The following LSMEM1 variants were observed in gnomAD, a reference collection of about 807,000 sequenced individuals.
The protein encoded by LSMEM1 is leucine rich single-pass membrane protein 1.
LSMEM1 carries 10 observed loss-of-function variants against 11.3 expected under a neutral mutation model. The observed-to-expected ratio is 0.89, with a 90% CI of 0.55 to 1.50. LSMEM1 has a LOEUF of 1.50. LSMEM1 is among the 40% of genes most tolerant of loss of function. The pLI is 0.00. For missense variants in LSMEM1, 151 were observed against 152.9 expected (o/e 0.99, Z 0.06); for synonymous variants, 65 against 59.3 (o/e 1.10, Z -0.44).
At chr7:112,480,416 G>A (rs1242196903), upstream of LSMEM1, among the ~76,000 whole-genome samples, 1 of 152,156 alleles carries the variant, frequency 6.6e-6, no homozygotes, top group African/African-American at 2.4e-5. Flanking sequence ...CATGAAAAAT[G>A]TTTCAAAGAT....
At chr7:112,486,852 A>G in intron 2 of LSMEM1, 71 bp from the exon 3 acceptor site, 2 of 1,595,870 alleles carry the variant, frequency 1.3e-6, no homozygotes, top group Non-Finnish European at 1.7e-6. Context: ...ACACTGGGGT[A>G]CTGTTCAGTT....
chr7:112,488,602 T>C (rs1796181418), intron 3 of LSMEM1, among the ~76,000 whole-genome samples: 1 of 130,592 alleles, frequency 7.7e-6, no homozygotes, highest in Non-Finnish European at 1.6e-5. Context: ...ATTATTATTA[T>C]TATTATTTTT....
chr7:112,484,332 C>G (rs1796086922), intron 1 of LSMEM1, among the ~76,000 whole-genome samples: 1 of 152,196 alleles, frequency 6.6e-6, no homozygotes, highest in African/African-American at 2.4e-5. Flanking sequence ...GTAATATTCT[C>G]TTTTTTCAGA....
At chr7:112,489,296 T>A (rs1796195153) in intron 3 of LSMEM1, among the ~76,000 whole-genome samples, 2 of 152,184 alleles carry the variant, frequency 1.3e-5, no homozygotes, top group South Asian at 2.1e-4. Flanking sequence ...TTGCCAAAGG[T>A]CCTGTGTATT....
At chr7:112,483,132 T>C (rs1796061456) in intron 1 of LSMEM1, among the ~76,000 whole-genome samples, 1 of 150,450 alleles carries the variant, frequency 6.6e-6, no homozygotes, top group African/African-American at 2.5e-5. Flanking sequence ...TCTTTAGGTG[T>C]ATACTTTTTT....
intron 1 of LSMEM1, among the ~76,000 whole-genome samples, chr7:112,484,074 T>A (rs1170846944): frequency 2.0e-5 from 3 of 152,156 alleles, no homozygotes; most frequent in Non-Finnish European, 4.4e-5. Flanking sequence ...TTAATAAACC[T>A]CAAGCTATTA....
intron 2 of LSMEM1, among the ~76,000 whole-genome samples, chr7:112,486,666 C>T (rs941200630): frequency 6.6e-6 from 1 of 152,122 alleles, no homozygotes; most frequent in African/African-American, 2.4e-5. Context: ...GTCCCAGCTA[C>T]TCGGGAGGCT....
chr7:112,489,681 T>A, intron 3 of LSMEM1, 129 bp from the exon 4 acceptor site: 1 of 1,023,650 alleles, frequency 9.8e-7, no homozygotes, highest in Non-Finnish European at 1.4e-6. Flanking sequence ...CTGGCATGCA[T>A]GGATATGGGA....
At position 112,490,249 on chromosome 7, in the gene LSMEM1, A is replaced by AT. The variant is rs1273651009; in HGVS notation, c.*301dup. 7.3e-6 allele frequency: 2 copies of AT among 273,206 alleles called. No homozygotes were observed. The highest frequency in any genetic ancestry group is 1.4e-5 in the Non-Finnish European group (2 of 144,982). The allele number at this position is 273,206 out of a possible 1,614,324, so 16.9% of individuals were successfully genotyped here. ...ATCAACAAAGCAAGAGAACTTGACT[A>AT]TGTACGTCCAACTTCTTACAGAAGG... is the stretch of plus-strand genomic sequence containing the variant. On this transcript the variant is annotated 3_prime_UTR_variant, in exon 4 of 4. Coordinates refer to ENST00000312849, the MANE Select transcript of LSMEM1 (RefSeq NM_182597.3).
intron 3 of LSMEM1, among the ~76,000 whole-genome samples, chr7:112,488,599 T>C: frequency 7.1e-6 from 1 of 141,674 alleles, no homozygotes. Context: ...ATTATTATTA[T>C]TATTATTATT....
intron 3 of LSMEM1, among the ~76,000 whole-genome samples, chr7:112,488,163 C>G (rs1796173287): frequency 6.6e-6 from 1 of 152,182 alleles, no homozygotes; most frequent in Non-Finnish European, 1.5e-5. Flanking sequence ...TTAATTGCTT[C>G]TCTTGCACCG....
chr7:112,489,620 C>A (rs952615966), intron 3 of LSMEM1, among the ~76,000 whole-genome samples, 190 bp from the exon 4 acceptor site: 3 of 152,198 alleles, frequency 2.0e-5, no homozygotes, highest in Non-Finnish European at 2.9e-5. Context: ...ATTGTAAAAA[C>A]AATTCACTGG....
chr7:112,485,031 T>TGGGGGGGGGGG, intron 2 of LSMEM1, 88 bp downstream of exon 2: 3 of 1,199,516 alleles, frequency 2.5e-6, no homozygotes, highest in Non-Finnish European at 2.3e-6. Flanking sequence ...GTGGGTGTGG[T>TGGGGGGGGGGG]GGAGGGGGAG....
chr7:112,485,469 C>CT (rs1326065989), intron 2 of LSMEM1, among the ~76,000 whole-genome samples: 1 of 152,144 alleles, frequency 6.6e-6, no homozygotes, highest in African/African-American at 2.4e-5. Flanking sequence ...TATAAATGAG[C>CT]TTTATCAGAT....
intron 3 of LSMEM1, among the ~76,000 whole-genome samples, chr7:112,488,282 T>G (rs1796175473): frequency 6.6e-6 from 1 of 152,190 alleles, no homozygotes; most frequent in Non-Finnish European, 1.5e-5. Flanking sequence ...GAACCAGCAA[T>G]GCCAGAAAGA....
upstream of LSMEM1, among the ~76,000 whole-genome samples, chr7:112,480,420 C>A (rs1291748737): frequency 2.6e-5 from 4 of 152,092 alleles, no homozygotes; most frequent in African/African-American, 9.7e-5. Context: ...AAAAATGTTT[C>A]AAAGATGAAT....
upstream of LSMEM1, chr7:112,480,755 G>A: frequency 2.2e-6 from 1 of 452,658 alleles, no homozygotes; most frequent in Non-Finnish European, 4.4e-6. Context: ...GCTTTTTGTA[G>A]CTACTGGAAG....
chr7:112,486,644 C>T (rs1277527512), intron 2 of LSMEM1, among the ~76,000 whole-genome samples: 1 of 152,006 alleles, frequency 6.6e-6, no homozygotes, highest in Non-Finnish European at 1.5e-5. Flanking sequence ...GACGTGGTGG[C>T]GGGGGCCTGT....
rs534745519 is a variant in LSMEM1, at chr7:112,489,669, T to C, written c.257-141T>C. The C allele has an allele frequency of 5.3e-5, 47 of 888,540 alleles. No individual in the cohort carries two copies. The Admixed American group carries it at 1.1e-3, about 21-fold the overall frequency. 55.0% of individuals were successfully genotyped at this position (888,540 alleles called of 1,614,324 possible). A position where few individuals can be genotyped will look rare whatever the true frequency, so the allele number is the denominator to read the frequency against. On this transcript the variant is annotated intron_variant, in intron 3 of 3. Coordinates refer to ENST00000312849, the MANE Select transcript of LSMEM1 (RefSeq NM_182597.3). The stretch of plus-strand genomic sequence containing the variant: ...GCCTTCACCAGTTTCTCTACTGGGC[T>C]TCTGGCATGCATGGATATGGGAACA...
Sources: gnomAD v4.1 joint callset for allele counts (sites outside exome capture counted in the v4.1 genomes callset) on GRCh38, gnomAD v4.1.1 for gene constraint, MANE v1.5 for transcripts, NCBI Gene and HGNC (gene_info 2026-07-23, HGNC 2026-07-21) for gene names.